The following RBFOX1 variants were observed in gnomAD, a reference collection of about 807,000 sequenced individuals.
The protein encoded by RBFOX1 is RNA binding protein fox-1 homolog 1.
Under a neutral mutation model 57.7 loss-of-function variants are expected in RBFOX1, and 8 were observed. That is an observed-to-expected ratio of 0.14 (90% CI 0.08 to 0.25). The LOEUF is 0.25. Ranked by LOEUF, RBFOX1 falls within the 10% of genes least tolerant of loss-of-function variation. The pLI is 1.00. For synonymous variants in RBFOX1, 326 were observed against 222.4 expected (o/e 1.47, Z -4.15); for missense variants, 611 against 548.5 (o/e 1.11, Z -1.14).
At chr16:7,465,953 C>G (rs915869811) in intron 4 of RBFOX1, among the ~76,000 whole-genome samples, 2 of 152,202 alleles carry the variant, frequency 1.3e-5, no homozygotes, top group African/African-American at 4.8e-5. Context: ...GAATGACAGA[C>G]TGGATAACTG....
chr16:6,735,892 A>G (rs1214293694), intron 3 of RBFOX1, among the ~76,000 whole-genome samples: 2 of 151,474 alleles, frequency 1.3e-5, no homozygotes, highest in Non-Finnish European at 2.9e-5. Context: ...AAATAAGCAG[A>G]TGGTTGAAGA....
chr16:7,675,876 G>A (rs1003516832), intron 13 of RBFOX1, among the ~76,000 whole-genome samples: 2 of 152,130 alleles, frequency 1.3e-5, no homozygotes, highest in African/African-American at 2.4e-5. Context: ...ACTGTGCTGA[G>A]TTCATTGTAC....
intron 4 of RBFOX1, among the ~76,000 whole-genome samples, chr16:7,425,719 A>G (rs952542081): frequency 3.9e-5 from 6 of 152,186 alleles, no homozygotes; most frequent in Admixed American, 3.3e-4. Flanking sequence ...CAAACATTCT[A>G]GGGGGGATAG....
At chr16:6,409,484 T>A (rs531929364) in intron 2 of RBFOX1, among the ~76,000 whole-genome samples, 130 of 152,310 alleles carry the variant, frequency 8.5e-4, no homozygotes, top group African/African-American at 3.1e-3. Flanking sequence ...TTGTTTTCCA[T>A]TTGAAAGTTA....
At chr16:7,086,942 C>G (rs534260379) in intron 4 of RBFOX1, among the ~76,000 whole-genome samples, 1 of 152,112 alleles carries the variant, frequency 6.6e-6, no homozygotes, top group South Asian at 2.1e-4. Context: ...TCCCTTTTCC[C>G]GGTCCACACC....
intron 3 of RBFOX1, among the ~76,000 whole-genome samples, chr16:5,734,980 C>CA (rs1262796110): frequency 1.3e-5 from 2 of 151,706 alleles, no homozygotes; most frequent in African/African-American, 2.4e-5. Context: ...AAACTGGCCA[C>CA]AAAAAAGAAA....
rs150994209 is a variant in RBFOX1 at position 7,427,049 on chromosome 16, G to A, written c.28-91098G>A. 3.9e-5 allele frequency among the ~76,000 whole-genome samples: 6 copies of A among 152,308 alleles called. No individual in the cohort carries two copies. The East Asian group carries it at 9.7e-4, about 25-fold the overall frequency. On this transcript the variant is annotated intron_variant, in intron 4 of 15. Transcript: ENST00000550418. ...AAACACTGCGTGTTCTCACTCATAGGTGGGAACTGAACAATGAGAACACTT... is the reference window on the plus strand; with the variant it reads ...AAACACTGCGTGTTCTCACTCATAGATGGGAACTGAACAATGAGAACACTT...
chr16:5,527,313 A>G (rs957545810), intron 2 of RBFOX1, among the ~76,000 whole-genome samples: 5 of 152,124 alleles, frequency 3.3e-5, no homozygotes, highest in African/African-American at 1.2e-4. Context: ...AAGGACACCT[A>G]CCTGCAAGGA....
chr16:7,203,284 A>G (rs908792586), intron 4 of RBFOX1, among the ~76,000 whole-genome samples: 11 of 152,226 alleles, frequency 7.2e-5, no homozygotes, highest in African/African-American at 2.2e-4. Flanking sequence ...AAAATAAGCC[A>G]GTCACAAAAA....
At chr16:5,544,319 G>A (rs2045094434) in intron 2 of RBFOX1, among the ~76,000 whole-genome samples, 1 of 152,148 alleles carries the variant, frequency 6.6e-6, no homozygotes, top group Non-Finnish European at 1.5e-5. Flanking sequence ...CACATGTTAA[G>A]TAACTCATGC....
At chr16:6,190,610 G>A (rs529510686) in intron 1 of RBFOX1, among the ~76,000 whole-genome samples, 1 of 152,218 alleles carries the variant, frequency 6.6e-6, no homozygotes, top group East Asian at 1.9e-4. Flanking sequence ...ATATATCGTC[G>A]ATGGTACTAT....
At chr16:7,544,517 G>T (rs1320761123) in intron 5 of RBFOX1, among the ~76,000 whole-genome samples, 1 of 152,108 alleles carries the variant, frequency 6.6e-6, no homozygotes, top group African/African-American at 2.4e-5. Flanking sequence ...ACGCACAAAG[G>T]TAAGAAGTCC....
intron 14 of RBFOX1, chr16:7,693,411 G>C: frequency 1.0e-6 from 1 of 972,176 alleles, no homozygotes; most frequent in South Asian, 1.6e-5. Context: ...CCAAGTCTCA[G>C]TATCCTTTTT....
chr16:6,496,685 C>G (rs1464174134), intron 2 of RBFOX1, among the ~76,000 whole-genome samples: 1 of 152,140 alleles, frequency 6.6e-6, no homozygotes, highest in African/African-American at 2.4e-5. Context: ...ATTGGCCGGG[C>G]ACGGTGTCTC....
At chr16:5,751,416 C>T (rs1248977255) in intron 3 of RBFOX1, among the ~76,000 whole-genome samples, 3 of 152,108 alleles carry the variant, frequency 2.0e-5, no homozygotes, top group Admixed American at 1.3e-4. Context: ...AGCAAGTGGG[C>T]GGATACCGTC....
intron 4 of RBFOX1, among the ~76,000 whole-genome samples, chr16:7,436,564 T>G (rs1370090654): frequency 6.6e-6 from 1 of 152,206 alleles, no homozygotes; most frequent in African/African-American, 2.4e-5. Flanking sequence ...AGTCCCATTT[T>G]AAAGATGCAT....
intron 5 of RBFOX1, among the ~76,000 whole-genome samples, chr16:7,532,862 G>GA (rs759197423): frequency 6.6e-6 from 1 of 152,140 alleles, no homozygotes. Flanking sequence ...ACCCTCAACA[G>GA]AAAAAGTTTG....
At chr16:5,744,589 A>C (rs1047283275) in intron 3 of RBFOX1, among the ~76,000 whole-genome samples, 1 of 152,176 alleles carries the variant, frequency 6.6e-6, no homozygotes, top group African/African-American at 2.4e-5. Context: ...CACACAATGT[A>C]AATCAGGGCT....
intron 3 of RBFOX1, among the ~76,000 whole-genome samples, chr16:6,916,343 A>G (rs1024422315): frequency 1.3e-5 from 2 of 152,008 alleles, no homozygotes; most frequent in African/African-American, 4.8e-5. Context: ...CCTTTTTGCT[A>G]TTATGGCTAA....
Sources: allele counts gnomAD v4.1 joint callset (sites outside exome capture counted in the v4.1 genomes callset), GRCh38; gene constraint gnomAD v4.1.1; transcripts MANE v1.5; gene names NCBI Gene and HGNC (gene_info 2026-07-23, HGNC 2026-07-21).